EFCAB6: variants seen among roughly 807,000 people sequenced by gnomAD.
The protein encoded by EFCAB6 is EF-hand calcium binding domain 6.
Under a neutral mutation model 169.8 loss-of-function variants are expected in EFCAB6, and 156 were observed. That is an observed-to-expected ratio of 0.92 (90% CI 0.81 to 1.05). The LOEUF (loss-of-function observed/expected upper bound fraction) is 1.05. Ranked by LOEUF, EFCAB6 falls within the 50% of genes least tolerant of loss-of-function variation. EFCAB6 has a pLI of 0.00. For synonymous variants in EFCAB6, 698 were observed against 676.4 expected (o/e 1.03, Z -0.50); for missense variants, 1,800 against 1,829.1 (o/e 0.98, Z 0.29).
chr22:43,697,955 A>G (rs1405888717), intron 10 of EFCAB6, among the ~76,000 whole-genome samples: 1 of 152,222 alleles, frequency 6.6e-6, no homozygotes, highest in Non-Finnish European at 1.5e-5. Flanking sequence ...TATCGGTCAT[A>G]GGGACCCATG....
Position 43,626,677 on chromosome 22 carries a change from G to C in EFCAB6, c.2235C>G (p.Asp745Glu). ...FPRRLKESFR[D>E]PYSAFFKTDA... Reference sequence around the variant, plus strand: ...CTGTTTTAAAGAAGGCAGAGTAGGGGTCCTAAAAACAAAACACACACGTCA... The same window carrying C: ...CTGTTTTAAAGAAGGCAGAGTAGGGCTCCTAAAAACAAAACACACACGTCA... Residue 745 changes from aspartate to glutamate, a missense_variant and splice_region_variant, in exon 20 of 32, where the codon GAC becomes GAG. By Grantham distance (45) the Asp-to-Glu change is conservative. Transcript: ENST00000262726. 1 of 1,614,036 alleles carries C rather than the reference G, an allele frequency of 6.2e-7. No homozygotes were observed. Among genetic ancestry groups the C allele is most frequent in the African/African-American group, 1.3e-5 (1 of 75,010 alleles).
chr22:43,783,229 T>G (rs1309176345), intron 2 of EFCAB6, among the ~76,000 whole-genome samples: 1 of 152,174 alleles, frequency 6.6e-6, no homozygotes, highest in East Asian at 1.9e-4. Flanking sequence ...CATGGCTACC[T>G]GAATAGGTGG....
chr22:43,705,825 A>G (rs2147318505), intron 10 of EFCAB6, among the ~76,000 whole-genome samples: 1 of 152,288 alleles, frequency 6.6e-6, no homozygotes, highest in Admixed American at 6.5e-5. Context: ...TTATGCCTCA[A>G]GGAAATAGAA....
At chr22:43,733,438 G>A (rs549839302) in intron 7 of EFCAB6, among the ~76,000 whole-genome samples, 31 of 152,266 alleles carry the variant, frequency 2.0e-4, no homozygotes, top group African/African-American at 7.2e-4. Flanking sequence ...GGAGGGAGAT[G>A]GGAAACACAA....
chr22:43,708,438 G>A lies in EFCAB6; in HGVS notation c.1031+3037C>T, dbSNP rs865774433. Among the ~76,000 whole-genome samples, 11 of 151,620 alleles carry A rather than the reference G, an allele frequency of 7.3e-5. No individual in the cohort carries two copies. The Middle Eastern group carries it at 0.01, about 141-fold the overall frequency. ...TTAGCCAATACCAAACAAGAAAGAC[G>A]AGGAATAAAGAAAAAAAGAAGAGCA... On this transcript the variant is annotated intron_variant, in intron 10 of 31. Coordinates refer to ENST00000262726, the MANE Select transcript of EFCAB6 (RefSeq NM_022785.4).
intron 17 of EFCAB6, among the ~76,000 whole-genome samples, chr22:43,657,566 A>G (rs999371679): frequency 6.6e-6 from 1 of 152,246 alleles, no homozygotes; most frequent in African/African-American, 2.4e-5. Flanking sequence ...ATAGTATACT[A>G]AAACCTATAT....
At chr22:43,701,596 A>T (rs574381773) in intron 10 of EFCAB6, among the ~76,000 whole-genome samples, 82 of 147,740 alleles carry the variant, frequency 5.6e-4, no homozygotes, top group Non-Finnish European at 8.1e-4. Context: ...CAAAACAGAC[A>T]CTAAAAACAA....
At chr22:43,748,638 C>T (rs948772857) in intron 6 of EFCAB6, among the ~76,000 whole-genome samples, 1 of 152,068 alleles carries the variant, frequency 6.6e-6, no homozygotes, top group Non-Finnish European at 1.5e-5. Context: ...AGTGTATATC[C>T]GGCTCTAGGA....
intron 27 of EFCAB6, among the ~76,000 whole-genome samples, chr22:43,544,137 C>A (rs778975340): frequency 6.6e-6 from 1 of 152,034 alleles, no homozygotes; most frequent in Non-Finnish European, 1.5e-5. Flanking sequence ...CTGCCAGACA[C>A]GCCCACAACT....
At chr22:43,645,877 TGA>T (rs1475336647) in intron 17 of EFCAB6, among the ~76,000 whole-genome samples, 1 of 151,316 alleles carries the variant, frequency 6.6e-6, no homozygotes, top group Non-Finnish European at 1.5e-5. Context: ...AAACAAAAAC[TGA>T]GACTGAAAGA....
intron 26 of EFCAB6, among the ~76,000 whole-genome samples, chr22:43,564,012 A>G (rs1183033868): frequency 6.6e-6 from 1 of 152,224 alleles, no homozygotes; most frequent in Non-Finnish European, 1.5e-5. Context: ...CTAGCTGCAA[A>G]TCACTAAGGC....
At position 43,628,717 on chromosome 22, in the gene EFCAB6, G is replaced by C. The variant is rs2054706426; in HGVS notation, c.2233-2038C>G. Among the ~76,000 whole-genome samples the C allele has an allele frequency of 6.6e-6, 1 of 152,136 alleles. No individual in the cohort carries two copies. The highest frequency in any genetic ancestry group is 2.4e-5 in the African/African-American group (1 of 41,424). On this transcript the variant is annotated intron_variant, in intron 19 of 31. Coordinates refer to ENST00000262726, the MANE Select transcript of EFCAB6 (RefSeq NM_022785.4). This position sits in a 1 kb window ranked among gnomAD's most constrained non-coding sequence, Gnocchi z 4.8. ...CTGGCTCCTTCATGACTGTGTCTGA[G>C]TGTCCCCTCTCCAGAGAGGCACTTC...
At chr22:43,578,785 CGCAGGCATCATTCCCTACAT>C (rs1309439521) in intron 25 of EFCAB6, among the ~76,000 whole-genome samples, 31,106 of 149,128 alleles carry the variant, frequency 0.21, 3,244 homozygotes, top group Middle Eastern at 0.27. Context: ...ATACCCTACA[CGCAGGCATCATTCCCTACAT>C]GCAGGCATCA....
chr22:43,722,124 C>T (rs760355283), intron 8 of EFCAB6, among the ~76,000 whole-genome samples: 3 of 152,124 alleles, frequency 2.0e-5, no homozygotes, highest in African/African-American at 4.8e-5. Flanking sequence ...GACATACACA[C>T]GGCCAACAAA....
At chr22:43,782,361 A>C in intron 2 of EFCAB6, 36 bp from the exon 3 acceptor site, 3 of 1,593,658 alleles carry the variant, frequency 1.9e-6, no homozygotes, top group Non-Finnish European at 2.6e-6. Flanking sequence ...CGTTACCTTA[A>C]AGAGCATACA....
At chr22:43,657,959 T>C (rs2056825836) in intron 17 of EFCAB6, among the ~76,000 whole-genome samples, 1 of 152,152 alleles carries the variant, frequency 6.6e-6, no homozygotes, top group African/African-American at 2.4e-5. Flanking sequence ...CCAGGTGAGG[T>C]GGCTCACATC....
chr22:43,772,812 C>T (rs2061517468), intron 4 of EFCAB6, 80 bp downstream of exon 4: 1 of 1,506,712 alleles, frequency 6.6e-7, no homozygotes, highest in Non-Finnish European at 9.1e-7. Context: ...GGGACAAAGA[C>T]AGGAGAGGTT....
chr22:43,640,366 A>G (rs1176208751), intron 17 of EFCAB6, among the ~76,000 whole-genome samples: 2 of 152,222 alleles, frequency 1.3e-5, no homozygotes, highest in Non-Finnish European at 2.9e-5. Context: ...GTTGGACTCA[A>G]ACTGAAAAAG....
chr22:43,677,836 C>A (rs530221863), intron 13 of EFCAB6, among the ~76,000 whole-genome samples, 160 bp downstream of exon 13: 20 of 151,956 alleles, frequency 1.3e-4, no homozygotes, highest in African/African-American at 4.1e-4. Flanking sequence ...AAGTTAAAAT[C>A]AAAGTGCTTA....
Sources: gnomAD v4.1 joint callset for allele counts (sites outside exome capture counted in the v4.1 genomes callset) on GRCh38, gnomAD v4.1.1 for gene constraint, Gnocchi (gnomAD v3.1) non-coding constraint, MANE v1.5 for transcripts, NCBI Gene and HGNC (gene_info 2026-07-23, HGNC 2026-07-21) for gene names.